The following ITFG1 variants were observed in gnomAD, a reference collection of about 807,000 sequenced individuals.
ITFG1 encodes the protein integrin alpha FG-GAP repeat containing 1.
Under a neutral mutation model 81.8 loss-of-function variants are expected in ITFG1, and 34 were observed. That is an observed-to-expected ratio of 0.42 (90% confidence interval 0.32 to 0.55). The LOEUF (loss-of-function observed/expected upper bound fraction) is 0.55, where lower values mean the gene tolerates loss of function less well. ITFG1 is among the 20% of genes least tolerant of loss of function. ITFG1 has a pLI of 0.17. For synonymous variants in ITFG1, 285 were observed against 270.6 expected (o/e 1.05, Z -0.52); for missense variants, 672 against 755.4 (o/e 0.89, Z 1.29).
At chr16:47,220,173 A>G (rs559827642) in intron 13 of ITFG1, among the ~76,000 whole-genome samples, 26 of 152,234 alleles carry the variant, frequency 1.7e-4, no homozygotes, top group Non-Finnish European at 3.2e-4. Flanking sequence ...TGATATTTGA[A>G]GACAAGGTCT....
At chr16:47,175,781 T>C (rs970610334) in intron 14 of ITFG1, among the ~76,000 whole-genome samples, 1 of 152,234 alleles carries the variant, frequency 6.6e-6, no homozygotes, top group African/African-American at 2.4e-5. Flanking sequence ...GCAGTCTTGC[T>C]ATGTGGCTCA....
chr16:47,203,819 G>A (rs1478760862), intron 14 of ITFG1, among the ~76,000 whole-genome samples: 3 of 152,144 alleles, frequency 2.0e-5, no homozygotes, highest in African/African-American at 7.2e-5. Context: ...CCCTGACCTA[G>A]AGTACTCAGA....
chr16:47,410,103 G>T (rs1968790895), intron 6 of ITFG1, among the ~76,000 whole-genome samples: 1 of 151,978 alleles, frequency 6.6e-6, no homozygotes, highest in South Asian at 2.1e-4. Context: ...GTGAGGCCTC[G>T]TCTCTACCAC....
intron 8 of ITFG1, chr16:47,365,528 G>GT (rs1179082029): frequency 2.9e-6 from 1 of 347,594 alleles, no homozygotes; most frequent in African/African-American, 2.1e-5. Flanking sequence ...AAAAGTCTCA[G>GT]TAGTTTTCTT....
At chr16:47,293,181 A>AATGATATATATTATATATAATATATAAAT (rs1966933241) in intron 10 of ITFG1, among the ~76,000 whole-genome samples, 1 of 142,828 alleles carries the variant, frequency 7.0e-6, no homozygotes, top group African/African-American at 2.7e-5. Flanking sequence ...ATCATATACA[A>AATGATATATATTATATATAATATATAAAT]ATGATATATA....
intron 8 of ITFG1, among the ~76,000 whole-genome samples, chr16:47,357,997 A>G (rs1968063117): frequency 6.6e-6 from 1 of 152,190 alleles, no homozygotes; most frequent in Non-Finnish European, 1.5e-5. Flanking sequence ...CAAGGTAGAA[A>G]CTCAGGAACT....
chr16:47,313,638 T>C (rs939325388), intron 9 of ITFG1, 91 bp downstream of exon 9: 14 of 581,264 alleles, frequency 2.4e-5, no homozygotes, highest in Non-Finnish European at 4.1e-5. Flanking sequence ...GTTCCCTCTG[T>C]TCTGATTCTA....
chr16:47,299,079 G>T (rs1967031267), intron 10 of ITFG1, among the ~76,000 whole-genome samples: 1 of 152,152 alleles, frequency 6.6e-6, no homozygotes, highest in Non-Finnish European at 1.5e-5. Context: ...CGCTTGGGGA[G>T]TGAAGGGCGG....
At chr16:47,397,213 C>G (rs1207658014) in intron 6 of ITFG1, among the ~76,000 whole-genome samples, 1 of 152,026 alleles carries the variant, frequency 6.6e-6, no homozygotes, top group Non-Finnish European at 1.5e-5. Context: ...GCTTCCACAA[C>G]TGTGAAAGGA....
At chr16:47,430,010 C>G (rs1225948293) in intron 5 of ITFG1, among the ~76,000 whole-genome samples, 1 of 149,032 alleles carries the variant, frequency 6.7e-6, no homozygotes, top group African/African-American at 2.5e-5. Flanking sequence ...AGGCCTTTAT[C>G]TAGTATATGA....
chr16:47,347,206 TG>T (rs1447368300), intron 8 of ITFG1, among the ~76,000 whole-genome samples: 1 of 152,148 alleles, frequency 6.6e-6, no homozygotes, highest in East Asian at 1.9e-4. Context: ...TGCAAGACAG[TG>T]GGTGCAGCGC....
intron 10 of ITFG1, among the ~76,000 whole-genome samples, chr16:47,265,455 G>A (rs1401390726): frequency 6.6e-6 from 1 of 151,958 alleles, no homozygotes; most frequent in Admixed American, 6.6e-5. Context: ...AACCAACATA[G>A]TATGGTGTTA....
At chr16:47,400,280 T>C (rs1440802199) in intron 6 of ITFG1, among the ~76,000 whole-genome samples, 1 of 152,174 alleles carries the variant, frequency 6.6e-6, no homozygotes. Flanking sequence ...TTCCAGTGCT[T>C]TGGGAGGCCA....
intron 6 of ITFG1, among the ~76,000 whole-genome samples, chr16:47,393,906 A>AT (rs1491284014): frequency 6.6e-6 from 1 of 152,162 alleles, no homozygotes; most frequent in Non-Finnish European, 1.5e-5. Context: ...CATTTAAAAC[A>AT]TATGTTTTAA....
intron 12 of ITFG1, among the ~76,000 whole-genome samples, chr16:47,243,613 T>G (rs537305435): frequency 6.6e-6 from 1 of 152,256 alleles, no homozygotes; most frequent in Admixed American, 6.5e-5. Context: ...GGAACATATA[T>G]AACATTATGG....
At chr16:47,282,981 AC>A (rs1433689817) in intron 10 of ITFG1, among the ~76,000 whole-genome samples, 2 of 151,598 alleles carry the variant, frequency 1.3e-5, no homozygotes, top group African/African-American at 4.8e-5. Flanking sequence ...CTGGATATTA[AC>A]CCTTTGTCAG....
intron 5 of ITFG1, among the ~76,000 whole-genome samples, chr16:47,440,681 A>C (rs1286000724): frequency 6.6e-6 from 1 of 152,202 alleles, no homozygotes; most frequent in East Asian, 1.9e-4. Flanking sequence ...GGACACATTC[A>C]AAGCCGTGTG....
intron 10 of ITFG1, among the ~76,000 whole-genome samples, chr16:47,269,736 A>T (rs1301207077): frequency 6.6e-6 from 1 of 152,204 alleles, no homozygotes; most frequent in Non-Finnish European, 1.5e-5. Flanking sequence ...TAATCCCAAT[A>T]AAATTCTCAG....
intron 8 of ITFG1, among the ~76,000 whole-genome samples, chr16:47,333,546 A>G (rs1967663606): frequency 6.6e-6 from 1 of 152,216 alleles, no homozygotes; most frequent in Admixed American, 6.5e-5. Context: ...AAAAGCAAAC[A>G]TTCGTTATAA....
Sources: gnomAD v4.1 joint callset for allele counts (sites outside exome capture counted in the v4.1 genomes callset) on GRCh38, gnomAD v4.1.1 for gene constraint, MANE v1.5 for transcripts, NCBI Gene and HGNC (gene_info 2026-07-23, HGNC 2026-07-21) for gene names.